PARVA: variants seen among roughly 807,000 people sequenced by gnomAD.
PARVA encodes the protein parvin alpha, also known as alpha-parvin.
Under a neutral mutation model 52.6 loss-of-function variants are expected in PARVA, and 25 were observed. The ratio of observed to expected loss-of-function variants is 0.48; its 90% confidence interval spans 0.35 to 0.66. The LOEUF (loss-of-function observed/expected upper bound fraction) is 0.66. Ranked by LOEUF, PARVA falls within the 30% of genes least tolerant of loss-of-function variation. The pLI is 0.01. For missense variants in PARVA, 373 were observed against 450.9 expected, an observed-to-expected ratio of 0.83 and a Z score of 1.56; for synonymous variants, 185 against 179.1, an observed-to-expected ratio of 1.03 and a Z score of -0.26.
Position 12,528,867 on chromosome 11 carries a change from T to G in PARVA, c.*942T>G, listed in dbSNP as rs1589994834. On this transcript the variant is annotated 3_prime_UTR_variant, in exon 13 of 13. Coordinates refer to ENST00000334956, the MANE Select transcript of PARVA (RefSeq NM_018222.5). The stretch of plus-strand genomic sequence containing the variant: ...TTTCAGGGTGACATTTGGGAAGGAT[T>G]TTGTTTAGAATTAATGGAGTGGCAC... The G allele has an allele frequency of 6.5e-6, 1 of 152,788 alleles. No homozygotes were observed. The highest frequency in any genetic ancestry group is 1.5e-5 in the Non-Finnish European group (1 of 68,040). 9.5% of individuals were successfully genotyped at this position (152,788 alleles called of 1,614,324 possible). A position where few individuals can be genotyped will look rare whatever the true frequency, so the allele number is the denominator to read the frequency against.
At chr11:12,386,048 C>G (rs1462984511) in intron 1 of PARVA, among the ~76,000 whole-genome samples, 1 of 152,216 alleles carries the variant, frequency 6.6e-6, no homozygotes, top group Non-Finnish European at 1.5e-5. Flanking sequence ...AATTTTTACT[C>G]TTATTTTCCA....
intron 1 of PARVA, among the ~76,000 whole-genome samples, chr11:12,463,303 A>G (rs950431302): frequency 6.6e-6 from 1 of 152,058 alleles, no homozygotes; most frequent in Non-Finnish European, 1.5e-5. Context: ...AACATACTCT[A>G]TCTGTTCCAC....
At chr11:12,405,153 G>A (rs1319685969) in intron 1 of PARVA, among the ~76,000 whole-genome samples, 1 of 152,114 alleles carries the variant, frequency 6.6e-6, no homozygotes, top group Non-Finnish European at 1.5e-5. Flanking sequence ...AGAAAAAAGA[G>A]TCCAAAGAGA....
intron 4 of PARVA, among the ~76,000 whole-genome samples, chr11:12,488,636 G>A (rs1249862473): frequency 6.6e-6 from 1 of 152,184 alleles, no homozygotes; most frequent in East Asian, 1.9e-4. Flanking sequence ...CCCACAGAAA[G>A]AGGCAATAAG....
chr11:12,513,506 C>T (rs1941529186), intron 9 of PARVA, 146 bp downstream of exon 9: 1 of 784,936 alleles, frequency 1.3e-6, no homozygotes, highest in South Asian at 1.4e-5. Flanking sequence ...CCCTTGCCAT[C>T]CATGTACCTG....
At chr11:12,492,096 A>G (rs1361666816) in intron 4 of PARVA, among the ~76,000 whole-genome samples, 11 of 152,222 alleles carry the variant, frequency 7.2e-5, no homozygotes, top group Admixed American at 5.2e-4. Context: ...TTACGTTAAT[A>G]TAGTGTGGTA....
At position 12,453,085 on chromosome 11, in the gene PARVA, T is replaced by C. The variant is rs987012401; in HGVS notation, c.137-20660T>C. Reference sequence around the variant, plus strand: ...GTGCTGTGGTGGGAGCGATTCTTTGTTGGGGGGGCGCCCTGGCCACCTCCC... The same window carrying C: ...GTGCTGTGGTGGGAGCGATTCTTTGCTGGGGGGGCGCCCTGGCCACCTCCC... On this transcript the variant is annotated intron_variant, in intron 1 of 12. Coordinates refer to ENST00000334956, the MANE Select transcript of PARVA (RefSeq NM_018222.5). 332 of 453,102 alleles carry C rather than the reference T, an allele frequency of 7.3e-4. 1 individual carries two copies. The highest frequency in any genetic ancestry group is 4.4e-4 in the Non-Finnish European group (99 of 225,094). 28.1% of individuals were successfully genotyped at this position (453,102 alleles called of 1,614,324 possible).
chr11:12,379,689 G>T (rs546361579), intron 1 of PARVA, among the ~76,000 whole-genome samples: 2 of 152,188 alleles, frequency 1.3e-5, no homozygotes, highest in Admixed American at 1.3e-4. Flanking sequence ...CATCTTCAGC[G>T]CTGAGGATTA....
chr11:12,464,113 G>A (rs1030516057), intron 1 of PARVA, among the ~76,000 whole-genome samples: 11 of 151,728 alleles, frequency 7.2e-5, no homozygotes, highest in African/African-American at 2.7e-4. Context: ...GACTAGAAAC[G>A]AACATCTGGG....
intron 4 of PARVA, among the ~76,000 whole-genome samples, chr11:12,484,088 C>G (rs948418367): frequency 6.6e-5 from 10 of 152,330 alleles, no homozygotes; most frequent in Middle Eastern, 3.4e-3. Context: ...CCAAATACCT[C>G]AGTTATACAG....
chr11:12,406,746 C>CT (rs1465520189), intron 1 of PARVA, among the ~76,000 whole-genome samples: 1 of 143,150 alleles, frequency 7.0e-6, no homozygotes, highest in Non-Finnish European at 1.5e-5. Flanking sequence ...TCTCGGCTCA[C>CT]TGCAAGCTCC....
intron 12 of PARVA, among the ~76,000 whole-genome samples, chr11:12,520,226 G>A (rs961065956): frequency 1.3e-5 from 2 of 152,208 alleles, no homozygotes; most frequent in African/African-American, 4.8e-5. Flanking sequence ...TATTTGTTAT[G>A]ACACAGGGCA....
At chr11:12,409,355 C>T (rs954684166) in intron 1 of PARVA, among the ~76,000 whole-genome samples, 2 of 152,090 alleles carry the variant, frequency 1.3e-5, no homozygotes, top group Admixed American at 6.6e-5. Flanking sequence ...TAGTGGCAGC[C>T]CGAAAGTGTC....
intron 12 of PARVA, among the ~76,000 whole-genome samples, chr11:12,523,435 A>T (rs1279602605): frequency 1.3e-5 from 2 of 152,214 alleles, no homozygotes; most frequent in African/African-American, 4.8e-5. Context: ...GGCCTTCAGC[A>T]GTGCCTTGGG....
At chr11:12,510,377 G>A (rs2135074583) in intron 7 of PARVA, among the ~76,000 whole-genome samples, 1 of 152,194 alleles carries the variant, frequency 6.6e-6, no homozygotes, top group East Asian at 1.9e-4. Context: ...CTACATACTA[G>A]GAATTATGCT....
chr11:12,423,722 C>G (rs956631584), intron 1 of PARVA, among the ~76,000 whole-genome samples: 2 of 152,142 alleles, frequency 1.3e-5, no homozygotes, highest in Non-Finnish European at 2.9e-5. Flanking sequence ...AATGGTGATT[C>G]CGACATCTAT....
At position 12,511,499 on chromosome 11, in the gene PARVA, C is replaced by G. The variant is rs1186723092; in HGVS notation, c.717-15C>G. On this transcript the variant is annotated splice_polypyrimidine_tract_variant and intron_variant, in intron 7 of 12. Coordinates refer to ENST00000334956, the MANE Select transcript of PARVA (RefSeq NM_018222.5). ...AGAGAAGAGTCACACTATTTTCTTT[C>G]TCTTTTTCCTCCAGGGCTCTTTCCG... 3 of 1,612,118 alleles carry G rather than the reference C, an allele frequency of 1.9e-6. No homozygotes were observed. Among genetic ancestry groups the G allele is most frequent in the Non-Finnish European group, 2.5e-6 (3 of 1,179,098 alleles).
In PARVA at chr11:12,528,684, C is replaced by G. The variant is rs1401260962; in HGVS notation, c.*759C>G. The G allele has an allele frequency of 1.3e-5, 2 of 152,640 alleles. No homozygotes were observed. The highest frequency in any genetic ancestry group is 2.9e-5 in the Non-Finnish European group (2 of 68,046). The allele number at this position is 152,640 out of a possible 1,614,324, so 9.5% of individuals were successfully genotyped here. ...GAACCCACTGATCTCACCACTGGGG[C>G]AAGCTAGGTCAGAGCTTAGTGATTC... On this transcript the variant is annotated 3_prime_UTR_variant, in exon 13 of 13. Transcript: ENST00000334956.
intron 1 of PARVA, among the ~76,000 whole-genome samples, chr11:12,416,536 T>A (rs904854491): frequency 3.3e-5 from 5 of 152,208 alleles, no homozygotes; most frequent in Non-Finnish European, 5.9e-5. Flanking sequence ...ACAGCTTATA[T>A]GGCTCTCTGT....
Sources: gnomAD v4.1 joint callset for allele counts (sites outside exome capture counted in the v4.1 genomes callset) on GRCh38, gnomAD v4.1.1 for gene constraint, MANE v1.5 for transcripts, NCBI Gene and HGNC (gene_info 2026-07-23, HGNC 2026-07-21) for gene names.